ENTREP2: variants seen among roughly 807,000 people sequenced by gnomAD.
The protein encoded by ENTREP2 is protein ENTREP2.
At chr15:29,243,428 A>G in the ENTREP2 span, among the ~76,000 whole-genome samples, 1 of 152,328 alleles carries the variant, frequency 6.6e-6, no homozygotes, top group Admixed American at 6.5e-5. Flanking sequence ...AAAAGCAAAA[A>G]TGAAAATTAC....
At chr15:29,540,715 C>A in the ENTREP2 span, among the ~76,000 whole-genome samples, 1 of 152,226 alleles carries the variant, frequency 6.6e-6, no homozygotes, top group Non-Finnish European at 1.5e-5. Flanking sequence ...TCCCATCATC[C>A]TATTCTCAAG....
At chr15:29,590,750 A>C in the ENTREP2 span, among the ~76,000 whole-genome samples, 1 of 151,730 alleles carries the variant, frequency 6.6e-6, no homozygotes, top group Non-Finnish European at 1.5e-5. Context: ...GAGGGAAGGA[A>C]GGGAAATTTT....
At chr15:29,489,740 G>C in the ENTREP2 span, among the ~76,000 whole-genome samples, 1 of 152,216 alleles carries the variant, frequency 6.6e-6, no homozygotes, top group East Asian at 1.9e-4. Context: ...AGCACTCTAG[G>C]TGAACACGCC....
chr15:29,232,519 G>T, the ENTREP2 span, among the ~76,000 whole-genome samples: 1 of 151,318 alleles, frequency 6.6e-6, no homozygotes, highest in African/African-American at 2.4e-5. Context: ...GAGATGGGGG[G>T]TCTCACTCTG....
the ENTREP2 span, among the ~76,000 whole-genome samples, chr15:29,245,800 T>C: frequency 1.3e-5 from 2 of 152,146 alleles, no homozygotes; most frequent in Non-Finnish European, 2.9e-5. Flanking sequence ...TTTTGTCAGA[T>C]TGGTGAAGAC....
At chr15:29,490,506 A>G in the ENTREP2 span, among the ~76,000 whole-genome samples, 1 of 152,272 alleles carries the variant, frequency 6.6e-6, no homozygotes, top group Non-Finnish European at 1.5e-5. Context: ...TGACTGGTCC[A>G]TTTTACAGAG....
At chr15:29,473,188 G>A in the ENTREP2 span, among the ~76,000 whole-genome samples, 1 of 152,086 alleles carries the variant, frequency 6.6e-6, no homozygotes, top group Non-Finnish European at 1.5e-5. Context: ...CCTATGACAA[G>A]TGTGACTTTC....
the ENTREP2 span, among the ~76,000 whole-genome samples, chr15:29,151,010 T>C: frequency 2.0e-5 from 3 of 152,190 alleles, no homozygotes; most frequent in East Asian, 5.8e-4. Flanking sequence ...ACCCTTACCA[T>C]GGAAGAACAA....
chr15:29,453,216 C>A, the ENTREP2 span, among the ~76,000 whole-genome samples: 1 of 152,176 alleles, frequency 6.6e-6, no homozygotes, highest in Non-Finnish European at 1.5e-5. Flanking sequence ...TCTTAAGAAT[C>A]TGCACTTAAG....
At chr15:29,435,693 T>C in the ENTREP2 span, among the ~76,000 whole-genome samples, 2 of 151,854 alleles carry the variant, frequency 1.3e-5, no homozygotes, top group South Asian at 4.2e-4. Context: ...CACATATATA[T>C]GTATATATAT....
chr15:29,364,626 T>TCATA, the ENTREP2 span, among the ~76,000 whole-genome samples: 1 of 152,200 alleles, frequency 6.6e-6, no homozygotes, highest in Non-Finnish European at 1.5e-5. Context: ...AAGCTGTGAG[T>TCATA]CATAACTGGT....
chr15:29,637,669 A>G, the ENTREP2 span, among the ~76,000 whole-genome samples: 1 of 152,302 alleles, frequency 6.6e-6, no homozygotes, highest in African/African-American at 2.4e-5. Context: ...TGCAGATGGT[A>G]ATATTCAGGG....
At chr15:29,272,406 A>G in the ENTREP2 span, among the ~76,000 whole-genome samples, 1 of 152,244 alleles carries the variant, frequency 6.6e-6, no homozygotes, top group Non-Finnish European at 1.5e-5. Flanking sequence ...AGTTACCTGC[A>G]GTCAACCACA....
the ENTREP2 span, among the ~76,000 whole-genome samples, chr15:29,166,358 GT>G: frequency 6.6e-6 from 1 of 152,068 alleles, no homozygotes; most frequent in Non-Finnish European, 1.5e-5. Flanking sequence ...GGGCATCCAA[GT>G]TGGTAAAAAG....
the ENTREP2 span, among the ~76,000 whole-genome samples, chr15:29,459,918 G>T: frequency 6.6e-6 from 1 of 152,126 alleles, no homozygotes; most frequent in Non-Finnish European, 1.5e-5. Context: ...GTTATCAAGT[G>T]ATCTACTTTC....
the ENTREP2 span, among the ~76,000 whole-genome samples, chr15:29,243,983 G>A: frequency 2.6e-5 from 4 of 152,164 alleles, no homozygotes; most frequent in African/African-American, 9.7e-5. Flanking sequence ...ACTGGACAAG[G>A]AGGGCACCTC....
the ENTREP2 span, among the ~76,000 whole-genome samples, chr15:29,650,999 G>T: frequency 6.6e-6 from 1 of 152,218 alleles, no homozygotes; most frequent in African/African-American, 2.4e-5. Flanking sequence ...CTGGGCAACA[G>T]ATAGAGACCT....
At chr15:29,649,057 T>TAC in the ENTREP2 span, among the ~76,000 whole-genome samples, 22,346 of 144,834 alleles carry the variant, frequency 0.15, 1,621 homozygotes, top group Middle Eastern at 0.29. Flanking sequence ...GGGACACATG[T>TAC]ACACACACAC....
At chr15:29,307,402 C>G in the ENTREP2 span, among the ~76,000 whole-genome samples, 1 of 152,130 alleles carries the variant, frequency 6.6e-6, no homozygotes, top group African/African-American at 2.4e-5. Context: ...GAAGAACTTG[C>G]TAGTGGTTTA....
Sources: gnomAD v4.1 joint callset for allele counts (sites outside exome capture counted in the v4.1 genomes callset) on GRCh38, gnomAD v4.1.1 for gene constraint, MANE v1.5 for transcripts, NCBI Gene and HGNC (gene_info 2026-07-23, HGNC 2026-07-21) for gene names.